The following SND1 variants were observed in gnomAD, a reference collection of about 807,000 sequenced individuals.
SND1 encodes the protein staphylococcal nuclease and tudor domain containing 1.
A neutral mutation model predicts 121.7 loss-of-function variants in SND1; 38 were observed. The ratio of observed to expected loss-of-function variants is 0.31; its 90% confidence interval spans 0.24 to 0.41. The LOEUF is 0.41. Among genes scored for constraint, SND1 ranks in the 10% least tolerant of loss-of-function variants. The probability of loss-of-function intolerance (pLI) is 1.00; values close to 1 mark genes in which losing one functional copy is unlikely to be tolerated. For synonymous variants in SND1, 401 were observed against 447.4 expected (o/e 0.90, Z 1.31); for missense variants, 868 against 1,184.6 (o/e 0.73, Z 3.92).
intron 14 of SND1, among the ~76,000 whole-genome samples, chr7:127,912,727 T>G (rs1433379009): frequency 1.3e-5 from 2 of 152,192 alleles, no homozygotes; most frequent in Admixed American, 6.6e-5. Context: ...AAAATTATCT[T>G]TTAACAGGGG....
chr7:127,721,229 T>G, intron 9 of SND1, 58 bp from the exon 10 acceptor site: 1 of 1,210,368 alleles, frequency 8.3e-7, no homozygotes, highest in Non-Finnish European at 1.2e-6. Context: ...GGCCTTGCTC[T>G]TGGACATGTG....
At chr7:127,948,512 C>T (rs775444368) in intron 15 of SND1, among the ~76,000 whole-genome samples, 1 of 152,184 alleles carries the variant, frequency 6.6e-6, no homozygotes, top group Non-Finnish European at 1.5e-5. Context: ...TGTGTCTTCC[C>T]GTAGTTCATC....
chr7:127,790,922 G>T (rs938417804), intron 10 of SND1, among the ~76,000 whole-genome samples: 1 of 152,168 alleles, frequency 6.6e-6, no homozygotes, highest in Non-Finnish European at 1.5e-5. Flanking sequence ...CGTGGAGCTT[G>T]TTCAGCAAGC....
intron 10 of SND1, among the ~76,000 whole-genome samples, chr7:127,766,558 G>A (rs973948274): frequency 5.3e-5 from 8 of 151,872 alleles, no homozygotes; most frequent in South Asian, 2.1e-4. Flanking sequence ...GGCGAATCAC[G>A]AGGTCAGGAG....
At chr7:127,658,415 G>A (rs1409187392) in intron 1 of SND1, among the ~76,000 whole-genome samples, 2 of 152,214 alleles carry the variant, frequency 1.3e-5, no homozygotes, top group African/African-American at 4.8e-5. Context: ...AGCTAGTCCT[G>A]TGTATTCCCA....
At chr7:128,010,679 C>T (rs180849235) in intron 16 of SND1, among the ~76,000 whole-genome samples, 10 of 152,374 alleles carry the variant, frequency 6.6e-5, no homozygotes, top group Non-Finnish European at 1.0e-4. Flanking sequence ...ATTACTTTGG[C>T]ATCCTCAGAG....
At chr7:127,850,216 A>C (rs1051687425) in intron 12 of SND1, among the ~76,000 whole-genome samples, 4 of 152,186 alleles carry the variant, frequency 2.6e-5, no homozygotes, top group African/African-American at 9.7e-5. Flanking sequence ...AGTAGGAATA[A>C]GTGTCATACA....
chr7:127,873,067 C>A (rs1799627709), intron 12 of SND1, among the ~76,000 whole-genome samples: 1 of 152,158 alleles, frequency 6.6e-6, no homozygotes, highest in Non-Finnish European at 1.5e-5. Flanking sequence ...ATATTCCACC[C>A]TTTAATATGC....
intron 16 of SND1, among the ~76,000 whole-genome samples, chr7:128,026,453 A>C (rs1480192446): frequency 6.6e-6 from 1 of 152,188 alleles, no homozygotes; most frequent in Non-Finnish European, 1.5e-5. Flanking sequence ...CAAAGAGTTC[A>C]CACCCACTCA....
chr7:127,828,558 A>ATCATGAT (rs1397155388), intron 11 of SND1, among the ~76,000 whole-genome samples: 2 of 152,128 alleles, frequency 1.3e-5, no homozygotes, highest in African/African-American at 4.8e-5. Flanking sequence ...TGGTTATTGT[A>ATCATGAT]TCATGATGCT....
At chr7:127,743,369 C>G (rs1309334109) in intron 10 of SND1, among the ~76,000 whole-genome samples, 1 of 152,218 alleles carries the variant, frequency 6.6e-6, no homozygotes, top group Admixed American at 6.5e-5. Context: ...GTGAAGGCTT[C>G]TCCTCAGGCA....
intron 10 of SND1, among the ~76,000 whole-genome samples, chr7:127,777,790 C>T (rs1797648268): frequency 1.3e-5 from 2 of 152,052 alleles, no homozygotes; most frequent in Non-Finnish European, 2.9e-5. Flanking sequence ...ATTTTTTTTG[C>T]CTTAGCCTCT....
chr7:127,932,773 G>T (rs13227201), intron 15 of SND1, among the ~76,000 whole-genome samples: 1 of 152,020 alleles, frequency 6.6e-6, no homozygotes, highest in African/African-American at 2.4e-5. Context: ...AGATTATGAC[G>T]CACTGAAGGC....
intron 16 of SND1, chr7:128,028,959 G>C (rs372450988): frequency 6.2e-7 from 1 of 1,608,806 alleles, no homozygotes; most frequent in Non-Finnish European, 8.5e-7. Context: ...CCGGGCGGCT[G>C]TGACTGTACT....
intron 10 of SND1, among the ~76,000 whole-genome samples, chr7:127,758,242 G>A (rs1450037572): frequency 6.6e-6 from 1 of 152,152 alleles, no homozygotes; most frequent in Non-Finnish European, 1.5e-5. Context: ...ATCCACATTT[G>A]ACAAACAAGG....
chr7:127,827,930 A>G (rs930407277), intron 11 of SND1, among the ~76,000 whole-genome samples: 4 of 151,244 alleles, frequency 2.6e-5, no homozygotes, highest in Non-Finnish European at 2.9e-5. Context: ...ATTTATTTGC[A>G]TTACTTTTCT....
intron 15 of SND1, among the ~76,000 whole-genome samples, chr7:127,942,113 A>T (rs1801226907): frequency 6.6e-6 from 1 of 151,984 alleles, no homozygotes; most frequent in Non-Finnish European, 1.5e-5. Context: ...AAGACATGGT[A>T]ACAGTTACTT....
At chr7:127,949,813 A>T (rs1448243632) in intron 15 of SND1, among the ~76,000 whole-genome samples, 1 of 152,196 alleles carries the variant, frequency 6.6e-6, no homozygotes, top group Non-Finnish European at 1.5e-5. Flanking sequence ...AGCCTTTGTC[A>T]GCACTAATGG....
At chr7:127,679,372 G>A (rs558293723) in intron 1 of SND1, 1 of 152,172 alleles carries the variant, frequency 6.6e-6, no homozygotes, top group South Asian at 2.1e-4. Flanking sequence ...GAATATGGAA[G>A]GCTCTATAGT....
Sources: gnomAD v4.1 joint callset for allele counts (sites outside exome capture counted in the v4.1 genomes callset) on GRCh38, gnomAD v4.1.1 for gene constraint, MANE v1.5 for transcripts, NCBI Gene and HGNC (gene_info 2026-07-23, HGNC 2026-07-21) for gene names.